The following EXT1 variants were observed in gnomAD, a reference collection of about 807,000 sequenced individuals.
EXT1 encodes exostosin-1.
Under a neutral mutation model 82.5 loss-of-function variants are expected in EXT1, and 20 were observed. The observed-to-expected ratio is 0.24, with a 90% CI of 0.17 to 0.35. The LOEUF (loss-of-function observed/expected upper bound fraction) is 0.35. EXT1 is among the 10% of genes least tolerant of loss of function. EXT1 has a pLI of 1.00. For missense variants in EXT1, 757 were observed against 936.5 expected (o/e 0.81, Z 2.50); for synonymous variants, 348 against 350.8 (o/e 0.99, Z 0.09).
intron 1 of EXT1, among the ~76,000 whole-genome samples, chr8:117,915,680 C>T (rs893410604): frequency 6.6e-6 from 1 of 152,114 alleles, no homozygotes; most frequent in Non-Finnish European, 1.5e-5. Flanking sequence ...CATGGCAAAA[C>T]CCTGTCTCTG....
intron 1 of EXT1, among the ~76,000 whole-genome samples, chr8:118,109,161 G>C (rs564487355): frequency 1.3e-5 from 2 of 152,292 alleles, no homozygotes; most frequent in African/African-American, 4.8e-5. Context: ...AAAAGGAAGA[G>C]TGAAAAGGTC....
At chr8:118,003,266 G>GAATAAAA (rs1815709296) in intron 1 of EXT1, among the ~76,000 whole-genome samples, 1 of 151,898 alleles carries the variant, frequency 6.6e-6, no homozygotes. Context: ...AGTGGGAGAG[G>GAATAAAA]GATGAGGAAT....
At position 118,034,833 on chromosome 8, in the gene EXT1, G is replaced by A. The variant is rs931312448; in HGVS notation, c.962+75252C>T. On this transcript the variant is annotated intron_variant, in intron 1 of 10. Coordinates refer to ENST00000378204, the MANE Select transcript of EXT1 (RefSeq NM_000127.3). ...TAATTATACCAATGGCCCAAGCATG[G>A]CAGTCATGATGTTCCTACTTGTACA... Among the ~76,000 whole-genome samples, 3 of 152,270 alleles carry A rather than the reference G, an allele frequency of 2.0e-5. No homozygotes were observed. The East Asian group carries it at 5.8e-4, about 29-fold the overall frequency.
At position 117,933,174 on chromosome 8, in the gene EXT1, A is replaced by G. The variant is rs1814093712; in HGVS notation, c.963-95973T>C. Among the ~76,000 whole-genome samples the G allele has an allele frequency of 2.0e-5, 3 of 151,274 alleles. 1 individual carries two copies. The highest frequency in any genetic ancestry group is 2.0e-4 in the Admixed American group (3 of 15,236). ...CTTTTAGAACCAGTCAGTTTCTAGC[A>G]TTCATGGAACTATCTTAAATCTCTG... On this transcript the variant is annotated intron_variant, in intron 1 of 10. Coordinates refer to ENST00000378204, the MANE Select transcript of EXT1 (RefSeq NM_000127.3).
chr8:118,090,305 T>G (rs929219379), intron 1 of EXT1, among the ~76,000 whole-genome samples: 1 of 152,012 alleles, frequency 6.6e-6, no homozygotes, highest in African/African-American at 2.4e-5. Context: ...CACGTCCTGC[T>G]GGCACTCCAG....
intron 3 of EXT1, among the ~76,000 whole-genome samples, chr8:117,832,146 C>T (rs1200395446): frequency 2.6e-5 from 4 of 152,160 alleles, no homozygotes; most frequent in Non-Finnish European, 5.9e-5. Flanking sequence ...TAATCATACC[C>T]TCTTCTAAAT....
At chr8:117,867,010 C>T (rs936195951) in intron 1 of EXT1, among the ~76,000 whole-genome samples, 1 of 151,970 alleles carries the variant, frequency 6.6e-6, no homozygotes, top group Non-Finnish European at 1.5e-5. Context: ...CCTGTAATCC[C>T]AGCACTTTGG....
At chr8:117,875,322 G>A (rs778756010) in intron 1 of EXT1, among the ~76,000 whole-genome samples, 5 of 152,104 alleles carry the variant, frequency 3.3e-5, no homozygotes, top group African/African-American at 4.8e-5. Context: ...TCGGGAGGCC[G>A]AGGCAGGAGA....
chr8:117,916,653 C>T (rs551360807), intron 1 of EXT1, among the ~76,000 whole-genome samples: 2 of 152,210 alleles, frequency 1.3e-5, no homozygotes, highest in Non-Finnish European at 2.9e-5. Context: ...TGACTCACAC[C>T]TGTAATCCCA....
chr8:117,800,355 T>A (rs528457659), intron 10 of EXT1, among the ~76,000 whole-genome samples: 1 of 152,334 alleles, frequency 6.6e-6, no homozygotes, highest in African/African-American at 2.4e-5. Context: ...TTTCTCTCTA[T>A]CCATCACTTC....
At chr8:118,106,853 CAT>C (rs931890899) in intron 1 of EXT1, among the ~76,000 whole-genome samples, 24 of 152,344 alleles carry the variant, frequency 1.6e-4, no homozygotes, top group African/African-American at 5.3e-4. Context: ...GCATTATCCA[CAT>C]GTGTTAAAAT....
chr8:117,895,282 A>G (rs947226858), intron 1 of EXT1, among the ~76,000 whole-genome samples: 2 of 152,214 alleles, frequency 1.3e-5, no homozygotes, highest in Non-Finnish European at 2.9e-5. Flanking sequence ...GACATAAACC[A>G]GTCATGACCA....
chr8:118,101,867 C>T (rs1221145678), intron 1 of EXT1, among the ~76,000 whole-genome samples: 1 of 151,148 alleles, frequency 6.6e-6, no homozygotes, highest in Non-Finnish European at 1.5e-5. Flanking sequence ...ACAGGAAGTT[C>T]TATATTGTGT....
At chr8:117,806,700 C>A (rs970684216) in intron 9 of EXT1, among the ~76,000 whole-genome samples, 2 of 152,158 alleles carry the variant, frequency 1.3e-5, no homozygotes, top group Non-Finnish European at 2.9e-5. Flanking sequence ...CAGAATCACC[C>A]TGGACACCCC....
chr8:118,082,341 A>G (rs1435156186), intron 1 of EXT1, among the ~76,000 whole-genome samples: 2 of 152,244 alleles, frequency 1.3e-5, no homozygotes, highest in Non-Finnish European at 2.9e-5. Flanking sequence ...AAGTTTCACT[A>G]TTGTCCTAAA....
At chr8:118,099,897 C>T (rs1485594023) in intron 1 of EXT1, among the ~76,000 whole-genome samples, 1 of 152,150 alleles carries the variant, frequency 6.6e-6, no homozygotes. Context: ...ACAGCGCCTG[C>T]CACAGCCAAC....
At chr8:118,002,369 C>T (rs1815683688) in intron 1 of EXT1, among the ~76,000 whole-genome samples, 2 of 126,322 alleles carry the variant, frequency 1.6e-5, no homozygotes, top group South Asian at 2.7e-4. Flanking sequence ...CGACAGACGG[C>T]GACTCCGTCT....
chr8:118,093,875 G>T (rs1036467794), intron 1 of EXT1, among the ~76,000 whole-genome samples: 2 of 152,138 alleles, frequency 1.3e-5, no homozygotes, highest in Non-Finnish European at 2.9e-5. Flanking sequence ...CAGAGGTCTG[G>T]GTCCTGCTGC....
chr8:118,052,906 A>T (rs1816741488), intron 1 of EXT1, among the ~76,000 whole-genome samples: 1 of 152,164 alleles, frequency 6.6e-6, no homozygotes, highest in Admixed American at 6.5e-5. Flanking sequence ...TTGGAATGTG[A>T]AGAATTTAGG....
Sources: allele counts gnomAD v4.1 joint callset (sites outside exome capture counted in the v4.1 genomes callset), GRCh38; gene constraint gnomAD v4.1.1; transcripts MANE v1.5; gene names NCBI Gene and HGNC (gene_info 2026-07-23, HGNC 2026-07-21).